Variants in PLEKHA5 observed in about 807,000 individuals in gnomAD.
The protein encoded by PLEKHA5 is pleckstrin homology domain containing A5.
Under a neutral mutation model 181.9 loss-of-function variants are expected in PLEKHA5, and 55 were observed. That is an observed-to-expected ratio of 0.30 (90% confidence interval 0.24 to 0.38). The LOEUF (loss-of-function observed/expected upper bound fraction) is 0.38. Among genes scored for constraint, PLEKHA5 ranks in the 10% least tolerant of loss-of-function variants. PLEKHA5 has a pLI of 1.00. For missense variants in PLEKHA5, 1,432 were observed against 1,549.5 expected (o/e 0.92, Z 1.27); for synonymous variants, 535 against 529.4 (o/e 1.01, Z -0.15).
intron 25 of PLEKHA5, among the ~76,000 whole-genome samples, chr12:19,350,955 CTTTTTTTTTTT>C (rs35006570): frequency 1.8e-5 from 2 of 112,542 alleles, no homozygotes; most frequent in Non-Finnish European, 3.5e-5. Context: ...TATTCAAAGT[CTTTTTTTTTTT>C]TTTTTTTTTT....
chr12:19,248,248 A>C (rs1295975610), intron 3 of PLEKHA5, among the ~76,000 whole-genome samples: 1 of 151,896 alleles, frequency 6.6e-6, no homozygotes, highest in East Asian at 1.9e-4. Context: ...CCCAGACTTT[A>C]GTGCATTGGC....
At chr12:19,253,007 A>C (rs1252909834) in intron 3 of PLEKHA5, among the ~76,000 whole-genome samples, 1 of 149,260 alleles carries the variant, frequency 6.7e-6, no homozygotes, top group African/African-American at 2.5e-5. Flanking sequence ...TGTAAAATAC[A>C]GTAATCATTG....
At chr12:19,305,678 G>A (rs2083108012) in intron 15 of PLEKHA5, among the ~76,000 whole-genome samples, 1 of 151,790 alleles carries the variant, frequency 6.6e-6, no homozygotes. Flanking sequence ...GACTACCGTG[G>A]AGAAACCCCG....
rs373702597 is a variant in PLEKHA5, at chr12:19,287,949, G to A, written c.1863+393G>A. 134 of 226,196 alleles carry A rather than the reference G, an allele frequency of 5.9e-4. No individual in the cohort carries two copies. In the East Asian group the frequency reaches 0.012, roughly 20 times the overall value. 14.0% of individuals were successfully genotyped at this position (226,196 alleles called of 1,614,324 possible). A position where few individuals can be genotyped will look rare whatever the true frequency, so the allele number is the denominator to read the frequency against. On this transcript the variant is annotated intron_variant, in intron 13 of 31. Coordinates refer to ENST00000429027, the MANE Select transcript of PLEKHA5 (RefSeq NM_001256470.2). The stretch of plus-strand genomic sequence containing the variant: ...CAAAATTAGCCGGGCATGGTGGTGC[G>A]TGCCTGTAATCCCAGCTACTTGGGA...
chr12:19,146,596 G>A (rs11044433), intron 3 of PLEKHA5, among the ~76,000 whole-genome samples: 82,654 of 152,042 alleles, frequency 0.54, 26,406 homozygotes, highest in Non-Finnish European at 0.73. Context: ...TAGTAAAGCT[G>A]TTTTTTCTTA....
At chr12:19,131,454 ATAC>A (rs2033814816) in intron 2 of PLEKHA5, among the ~76,000 whole-genome samples, 1 of 152,208 alleles carries the variant, frequency 6.6e-6, no homozygotes, top group South Asian at 2.1e-4. Context: ...TTGCTTCAAT[ATAC>A]CTTTCTGGTG....
chr12:19,345,581 C>T (rs1449125391), intron 22 of PLEKHA5, among the ~76,000 whole-genome samples: 17 of 151,720 alleles, frequency 1.1e-4, no homozygotes, highest in South Asian at 8.3e-4. Flanking sequence ...CTGACCAACA[C>T]GGTGAAACCC....
chr12:19,357,352 C>T (rs1308192043), intron 26 of PLEKHA5, among the ~76,000 whole-genome samples: 1 of 149,874 alleles, frequency 6.7e-6, no homozygotes, highest in African/African-American at 2.5e-5. Flanking sequence ...TCAAGCAATT[C>T]TCCCACCTCA....
At chr12:19,315,853 G>A (rs2088446371) in intron 16 of PLEKHA5, among the ~76,000 whole-genome samples, 1 of 152,036 alleles carries the variant, frequency 6.6e-6, no homozygotes, top group Non-Finnish European at 1.5e-5. Context: ...ATGTAACTGA[G>A]GAATGGATAC....
chr12:19,210,766 T>C (rs184228650), intron 3 of PLEKHA5, among the ~76,000 whole-genome samples: 6 of 152,318 alleles, frequency 3.9e-5, no homozygotes, highest in Non-Finnish European at 8.8e-5. Flanking sequence ...GGAGATGGAT[T>C]ACTAAGGTTA....
At chr12:19,265,690 GA>G (rs2070126380) in intron 7 of PLEKHA5, 59 bp from the exon 8 acceptor site, 1 of 965,662 alleles carries the variant, frequency 1.0e-6, no homozygotes, top group Admixed American at 2.1e-5. Flanking sequence ...AATAGATCTT[GA>G]AAAACTTTGC....
intron 3 of PLEKHA5, among the ~76,000 whole-genome samples, chr12:19,172,647 G>A (rs568356916): frequency 1.3e-5 from 2 of 152,250 alleles, no homozygotes; most frequent in South Asian, 4.1e-4. Flanking sequence ...TTGATTAAGT[G>A]CTTATCATTT....
intron 24 of PLEKHA5, among the ~76,000 whole-genome samples, chr12:19,347,882 C>CT (rs527719770): frequency 0.023 from 2,773 of 119,780 alleles, 73 homozygotes; most frequent in East Asian, 0.089. Context: ...CAGAAATATT[C>CT]TTTTTTTTTT....
At chr12:19,307,268 T>A (rs1306021440) in intron 15 of PLEKHA5, 10 of 449,192 alleles carry the variant, frequency 2.2e-5, no homozygotes, top group African/African-American at 4.1e-5. Flanking sequence ...AGGTCAGGAG[T>A]TCGAGACCAA....
intron 5 of PLEKHA5, among the ~76,000 whole-genome samples, chr12:19,255,927 C>G (rs1025850844): frequency 6.8e-6 from 1 of 147,456 alleles, no homozygotes; most frequent in African/African-American, 2.5e-5. Context: ...GATGGGCTTT[C>G]TAAATATGAC....
chr12:19,340,515 G>A (rs2093812402), intron 21 of PLEKHA5, among the ~76,000 whole-genome samples: 1 of 148,296 alleles, frequency 6.7e-6, no homozygotes. Flanking sequence ...TAGAAAGGGG[G>A]GAAAGGTGGG....
At chr12:19,217,173 G>GT (rs1171786983) in intron 3 of PLEKHA5, among the ~76,000 whole-genome samples, 4 of 152,292 alleles carry the variant, frequency 2.6e-5, no homozygotes, top group Non-Finnish European at 1.5e-5. Flanking sequence ...GATACATGGG[G>GT]TTTTTCAGTC....
intron 3 of PLEKHA5, among the ~76,000 whole-genome samples, chr12:19,172,093 G>A (rs976891343): frequency 6.6e-6 from 1 of 152,128 alleles, no homozygotes; most frequent in African/African-American, 2.4e-5. Context: ...GAAAAGTTTG[G>A]TAAATACATA....
chr12:19,280,466 G>C (rs1276030565), intron 11 of PLEKHA5, among the ~76,000 whole-genome samples: 1 of 152,106 alleles, frequency 6.6e-6, no homozygotes, highest in East Asian at 1.9e-4. Context: ...ATGGTCAAAT[G>C]ATTTTCCCAT....
Sources: gnomAD v4.1 joint callset for allele counts (sites outside exome capture counted in the v4.1 genomes callset) on GRCh38, gnomAD v4.1.1 for gene constraint, MANE v1.5 for transcripts, NCBI Gene and HGNC (gene_info 2026-07-23, HGNC 2026-07-21) for gene names.